SERPINA5: variants seen among roughly 807,000 people sequenced by gnomAD.
The protein encoded by SERPINA5 is serpin family A member 5.
A neutral mutation model predicts 25.3 loss-of-function variants in SERPINA5; 25 were observed. The ratio of observed to expected loss-of-function variants is 0.99; its 90% confidence interval spans 0.72 to 1.38. The LOEUF (loss-of-function observed/expected upper bound fraction) is 1.38. Among genes scored for constraint, SERPINA5 ranks in the 40% most tolerant of loss-of-function variants. The probability of loss-of-function intolerance (pLI) is 0.00; values close to 1 mark genes in which losing one functional copy is unlikely to be tolerated. For synonymous variants in SERPINA5, 234 were observed against 206.2 expected (o/e 1.14, Z -1.16); for missense variants, 599 against 509.5 (o/e 1.18, Z -1.69).
chr14:94,584,528 C>A (rs532157747), intron 2 of SERPINA5, among the ~76,000 whole-genome samples: 16 of 152,166 alleles, frequency 1.1e-4, no homozygotes, highest in Non-Finnish European at 2.4e-4. Context: ...CAGCTCCTCC[C>A]CATCGGATCT....
Position 94,590,794 on chromosome 14 carries a change from T to A in SERPINA5, c.936T>A (p.Tyr312Ter). The A allele has an allele frequency of 6.2e-7, 1 of 1,614,050 alleles. No individual in the cohort carries two copies. The highest frequency in any genetic ancestry group is 8.5e-7 in the Non-Finnish European group (1 of 1,179,958). Residue 312 changes from tyrosine to a stop codon, truncating the protein, a stop_gained, in exon 5 of 6, where the codon TAT (tyrosine) becomes TAA (stop). Coordinates refer to ENST00000329597, the MANE Select transcript of SERPINA5 (RefSeq NM_000624.6). LOFTEE classifies it high-confidence loss of function. ...CCAAATTCTCCATTGAGGGCTCCTA[T>A]CAGCTGGAGAAAGTCCTCCCCAGTC... ...YLPKFSIEGS[Y>*]QLEKVLPSLG...
chr14:94,585,195 C>T (rs1002863369), intron 2 of SERPINA5, among the ~76,000 whole-genome samples: 2 of 152,176 alleles, frequency 1.3e-5, no homozygotes, highest in African/African-American at 2.4e-5. Context: ...CTCGGATTAC[C>T]CATCTGTAAA....
In SERPINA5 at chr14:94,587,751, G is replaced by A. The variant is rs753810309; in HGVS notation, c.389G>A (p.Gly130Asp). Reference sequence around the variant, plus strand: ...AGAGATGGCTTCCAGCTGAGCCTCGGCAATGCCCTTTTCACCGACCTGGTG... The same window carrying A: ...AGAGATGGCTTCCAGCTGAGCCTCGACAATGCCCTTTTCACCGACCTGGTG... ...QPRDGFQLSL[G>D]NALFTDLVVD... The change falls in exon 3 of 6, where the codon GGC becomes GAC. Residue 130 changes from glycine to aspartate, a missense_variant. Transcript: ENST00000329597. 4.3e-6 allele frequency: 7 copies of A among 1,614,078 alleles called. No homozygotes were observed. Among genetic ancestry groups the A allele is most frequent in the South Asian group, 2.2e-5 (2 of 91,094 alleles).
In SERPINA5 at chr14:94,592,446, C is replaced by A. The variant is rs1885337946; in HGVS notation, c.*207C>A. The stretch of plus-strand genomic sequence containing the variant: ...TGGGGAAATGTGGAGAACATTCAAT[C>A]TTGCCGTCACTATTCATCAATGAAG... On this transcript the variant is annotated 3_prime_UTR_variant, in exon 6 of 6. Transcript: ENST00000329597. 1 of 536,748 alleles carries A rather than the reference C, an allele frequency of 1.9e-6. No homozygotes were observed. Among genetic ancestry groups the A allele is most frequent in the Admixed American group, 3.6e-5 (1 of 27,656 alleles). The allele number at this position is 536,748 out of a possible 1,614,324, so 33.2% of individuals were successfully genotyped here.
chr14:94,588,624 T>C (rs1053829136), intron 3 of SERPINA5, among the ~76,000 whole-genome samples: 4 of 152,080 alleles, frequency 2.6e-5, no homozygotes, highest in Non-Finnish European at 5.9e-5. Context: ...CGAAGGAAGG[T>C]AAATTGTTAA....
At chr14:94,589,598 A>G (rs1885210192) in intron 3 of SERPINA5, among the ~76,000 whole-genome samples, 1 of 152,222 alleles carries the variant, frequency 6.6e-6, no homozygotes, top group African/African-American at 2.4e-5. Context: ...AAAACCATTC[A>G]TTTCCAGGAT....
chr14:94,592,409 A>G lies in SERPINA5; in HGVS notation c.*170A>G. On this transcript the variant is annotated 3_prime_UTR_variant, in exon 6 of 6. Coordinates refer to ENST00000329597, the MANE Select transcript of SERPINA5 (RefSeq NM_000624.6). ...TTGCTTCCACCCACACGACTGCAAC[A>G]TACAGGTGCCTTGGGGAAATGTGGA... is the stretch of plus-strand genomic sequence containing the variant. 1.6e-6 allele frequency: 1 copy of G among 639,594 alleles called. No individual in the cohort carries two copies. The highest frequency in any genetic ancestry group is 2.6e-6 in the Non-Finnish European group (1 of 380,286). 39.6% of individuals were successfully genotyped at this position (639,594 alleles called of 1,614,324 possible).
At chr14:94,590,706 A>G (rs763060190) in intron 4 of SERPINA5, 43 bp from the exon 5 acceptor site, 13 of 1,584,742 alleles carry the variant, frequency 8.2e-6, no homozygotes, top group Admixed American at 1.8e-5. Flanking sequence ...TCAGTGTGCC[A>G]ATGCCCCAGA....
intron 2 of SERPINA5, among the ~76,000 whole-genome samples, chr14:94,582,747 A>T (rs8009930): frequency 0.18 from 27,063 of 152,212 alleles, 2,619 homozygotes; most frequent in African/African-American, 0.27. Flanking sequence ...TGAGGGTCCC[A>T]TGGAGAGAGA....
chr14:94,590,932 GGTCT>G (rs764387409), intron 5 of SERPINA5, 36 bp downstream of exon 5: 424 of 1,568,970 alleles, frequency 2.7e-4, no homozygotes, highest in Non-Finnish European at 3.2e-4. Context: ...TGCTTCCCAA[GGTCT>G]ATTCTGTTCT....
In SERPINA5 at chr14:94,592,082, T is replaced by C; in HGVS notation, c.1064T>C (p.Val355Ala). ...SEMVHKAVVE[V>A]DESGTRAAAA... ...ATGGTGCACAAAGCTGTGGTGGAGG[T>C]GGACGAGTCGGGAACCAGAGCAGCG... Residue 355 changes from valine to alanine, a missense_variant, in exon 6 of 6, where the codon GTG becomes GCG. Coordinates refer to ENST00000329597, the MANE Select transcript of SERPINA5 (RefSeq NM_000624.6). 6.2e-7 allele frequency: 1 copy of C among 1,613,402 alleles called. No homozygotes were observed. Among genetic ancestry groups the C allele is most frequent in the Non-Finnish European group, 8.5e-7 (1 of 1,179,664 alleles).
chr14:94,591,840 G>A (rs1424096260), intron 5 of SERPINA5, among the ~76,000 whole-genome samples: 1 of 152,150 alleles, frequency 6.6e-6, no homozygotes, highest in Non-Finnish European at 1.5e-5. Context: ...CTTGCTCAAA[G>A]ATGCCATGAG....
In SERPINA5 at chr14:94,592,462, A is replaced by G; in HGVS notation, c.*223A>G. On this transcript the variant is annotated 3_prime_UTR_variant, in exon 6 of 6. Transcript: ENST00000329597. ...ACATTCAATCTTGCCGTCACTATTCATCAATGAAGATTAACACTGAGATCC... is the reference window on the plus strand; with the variant it reads ...ACATTCAATCTTGCCGTCACTATTCGTCAATGAAGATTAACACTGAGATCC... 2.0e-6 allele frequency: 1 copy of G among 506,764 alleles called. No homozygotes were observed. Among genetic ancestry groups the G allele is most frequent in the East Asian group, 3.4e-5 (1 of 29,726 alleles). The allele number at this position is 506,764 out of a possible 1,614,324, so 31.4% of individuals were successfully genotyped here. A position where few individuals can be genotyped will look rare whatever the true frequency, so the allele number is the denominator to read the frequency against.
chr14:94,591,880 C>A (rs911703124), intron 5 of SERPINA5, among the ~76,000 whole-genome samples, 177 bp from the exon 6 acceptor site: 1 of 152,138 alleles, frequency 6.6e-6, no homozygotes, highest in Non-Finnish European at 1.5e-5. Context: ...GCGAAGTCAC[C>A]CCCCAGCACA....
chr14:94,590,417 A>G, intron 4 of SERPINA5, 106 bp downstream of exon 4: 6 of 1,386,410 alleles, frequency 4.3e-6, no homozygotes. Flanking sequence ...TCACCCAGCC[A>G]AGGAGCTGCC....
At chr14:94,590,410 C>A in intron 4 of SERPINA5, 99 bp downstream of exon 4, 1 of 1,420,820 alleles carries the variant, frequency 7.0e-7, no homozygotes, top group Non-Finnish European at 9.4e-7. Context: ...GAAGGACTCA[C>A]CCAGCCAAGG....
At chr14:94,586,316 G>C (rs1434767692) in intron 2 of SERPINA5, among the ~76,000 whole-genome samples, 3 of 152,146 alleles carry the variant, frequency 2.0e-5, no homozygotes, top group African/African-American at 7.2e-5. Flanking sequence ...GGGCTAGGGG[G>C]CTTCAACAAC....
In SERPINA5 at chr14:94,587,408, G is replaced by T. The variant is rs1386704044; in HGVS notation, c.46G>T (p.Gly16Trp). The change falls in exon 3 of 6, where the codon GGG (glycine) becomes TGG (tryptophan). Residue 16 changes from glycine to tryptophan, a missense_variant. By Grantham distance (184) the Gly-to-Trp change is radical. Transcript: ENST00000329597. ...GTGCCTGGTGCTTCTCAGCCCTCAG[G>T]GGGCCTCCCTTCACCGCCACCACCC... ...LLCLVLLSPQ[G>W]ASLHRHHPRE... 6 of 1,613,660 alleles carry T rather than the reference G, an allele frequency of 3.7e-6. No individual in the cohort carries two copies. Among genetic ancestry groups the T allele is most frequent in the Non-Finnish European group, 4.2e-6 (5 of 1,179,852 alleles).
Position 94,592,253 on chromosome 14 carries a change from C to T in SERPINA5, c.*14C>T. ...AACCGCCCCTGAGGTGGGGCTTCTC[C>T]TGAAATCTACAGGCCTCAGGGTGGG... On this transcript the variant is annotated 3_prime_UTR_variant, in exon 6 of 6. Transcript: ENST00000329597. The T allele has an allele frequency of 6.2e-7, 1 of 1,606,694 alleles. No individual in the cohort carries two copies. The highest frequency in any genetic ancestry group is 1.3e-5 in the African/African-American group (1 of 74,910).
Sources: allele counts gnomAD v4.1 joint callset (sites outside exome capture counted in the v4.1 genomes callset), GRCh38; gene constraint gnomAD v4.1.1; transcripts MANE v1.5; gene names NCBI Gene and HGNC (gene_info 2026-07-23, HGNC 2026-07-21).